The following RBFOX1 variants were observed in gnomAD, a reference collection of about 807,000 sequenced individuals.
The protein encoded by RBFOX1 is RNA binding fox-1 homolog 1.
RBFOX1 carries 8 observed loss-of-function variants against 57.7 expected under a neutral mutation model. The observed-to-expected ratio is 0.14, with a 90% CI of 0.08 to 0.25. The LOEUF is 0.25. Ranked by LOEUF, RBFOX1 falls within the 10% of genes least tolerant of loss-of-function variation. RBFOX1 has a pLI of 1.00. For missense variants in RBFOX1, 611 were observed against 548.5 expected (o/e 1.11, Z -1.14); for synonymous variants, 326 against 222.4 (o/e 1.47, Z -4.15).
intron 4 of RBFOX1, among the ~76,000 whole-genome samples, chr16:7,422,256 C>T (rs922451766): frequency 6.6e-6 from 1 of 152,100 alleles, no homozygotes; most frequent in Non-Finnish European, 1.5e-5. Context: ...CAGAAACAGC[C>T]CTATTGTTTT....
chr16:6,702,872 G>A (rs553261462), intron 3 of RBFOX1, among the ~76,000 whole-genome samples: 6 of 152,282 alleles, frequency 3.9e-5, no homozygotes, highest in African/African-American at 1.4e-4. Context: ...TCTGTCTCCA[G>A]AACTTTATCT....
chr16:6,427,628 G>A (rs1451022887), intron 2 of RBFOX1, among the ~76,000 whole-genome samples: 1 of 152,208 alleles, frequency 6.6e-6, no homozygotes, highest in Non-Finnish European at 1.5e-5. Flanking sequence ...GAGCTGCCAA[G>A]TAAGGTGGAT....
Position 5,347,797 on chromosome 16 carries a change from C to G in RBFOX1, c.219+107692C>G, listed in dbSNP as rs375661440. 4.0e-5 allele frequency among the ~76,000 whole-genome samples: 6 copies of G among 150,090 alleles called. No homozygotes were observed. The East Asian group carries it at 1.2e-3, about 30-fold the overall frequency. On this transcript the variant is annotated intron_variant, in intron 1 of 2. Coordinates refer to the RBFOX1 transcript ENST00000585867. ...ACCCACCCATTGGTCTATCCGCCCA[C>G]CCTTCCACTTAATCATGCACTCACC...
intron 3 of RBFOX1, among the ~76,000 whole-genome samples, chr16:7,027,831 T>G: frequency 6.8e-6 from 1 of 146,980 alleles, no homozygotes; most frequent in Non-Finnish European, 1.5e-5. Flanking sequence ...GGAAGGAAGG[T>G]GGAGGAGGTG....
intron 4 of RBFOX1, among the ~76,000 whole-genome samples, chr16:7,492,116 A>T (rs1306929581): frequency 1.3e-5 from 2 of 152,162 alleles, no homozygotes; most frequent in Non-Finnish European, 2.9e-5. Context: ...GTGGAAAAAG[A>T]CTCTGCAATA....
At chr16:6,673,889 G>A (rs2098783973) in intron 3 of RBFOX1, among the ~76,000 whole-genome samples, 1 of 152,198 alleles carries the variant, frequency 6.6e-6, no homozygotes, top group Admixed American at 6.5e-5. Context: ...AACACTTGTT[G>A]GAGGAAGTGC....
At chr16:5,912,491 G>T (rs527871243) in intron 4 of RBFOX1, among the ~76,000 whole-genome samples, 1 of 152,192 alleles carries the variant, frequency 6.6e-6, no homozygotes, top group East Asian at 1.9e-4. Context: ...CCTCACTCCA[G>T]TCCCACTACA....
At chr16:6,776,769 A>G (rs1220436792) in intron 3 of RBFOX1, among the ~76,000 whole-genome samples, 1 of 152,242 alleles carries the variant, frequency 6.6e-6, no homozygotes, top group African/African-American at 2.4e-5. Flanking sequence ...CACTAATGCA[A>G]TCAAATTAGA....
At chr16:5,676,349 T>A (rs1184381837) in intron 3 of RBFOX1, among the ~76,000 whole-genome samples, 1 of 152,178 alleles carries the variant, frequency 6.6e-6, no homozygotes, top group Non-Finnish European at 1.5e-5. Flanking sequence ...AAGGTAACTT[T>A]TATGAAACAT....
At chr16:7,264,393 C>T (rs1281258528) in intron 4 of RBFOX1, among the ~76,000 whole-genome samples, 1 of 152,212 alleles carries the variant, frequency 6.6e-6, no homozygotes, top group Non-Finnish European at 1.5e-5. Context: ...ACCCAGTCAT[C>T]TCCAGCTTAC....
chr16:5,750,841 G>T (rs190301298), intron 3 of RBFOX1, among the ~76,000 whole-genome samples: 8 of 152,314 alleles, frequency 5.3e-5, no homozygotes, highest in Admixed American at 2.0e-4. Context: ...GCCCTGCTTC[G>T]GCTCACGCAT....
At chr16:6,170,088 ACAAGGACT>A (rs2096948613) in intron 1 of RBFOX1, among the ~76,000 whole-genome samples, 2 of 152,150 alleles carry the variant, frequency 1.3e-5, no homozygotes, top group Admixed American at 1.3e-4. Flanking sequence ...CGGTTTGTCC[ACAAGGACT>A]CAAATATAGA....
intron 1 of RBFOX1, among the ~76,000 whole-genome samples, chr16:5,392,534 T>C (rs925087394): frequency 3.3e-5 from 5 of 151,398 alleles, no homozygotes; most frequent in African/African-American, 1.2e-4. Flanking sequence ...TATATATTTT[T>C]TTTCTTTTTT....
At chr16:6,038,242 T>C (rs2095392702) in intron 1 of RBFOX1, 1 of 150,012 alleles carries the variant, frequency 6.7e-6, no homozygotes, top group South Asian at 2.1e-4. Context: ...AGTGCAGTGG[T>C]GCAATCTTGG....
At chr16:5,251,616 T>A (rs1044414134) in intron 1 of RBFOX1, among the ~76,000 whole-genome samples, 6 of 152,152 alleles carry the variant, frequency 3.9e-5, no homozygotes, top group African/African-American at 1.4e-4. Context: ...TAAAGCCACT[T>A]CCAGGCAAAA....
chr16:7,197,998 C>CTTTCTTTCTTTTTTTTTTTTTTT (rs61556349), intron 4 of RBFOX1, among the ~76,000 whole-genome samples: 21 of 55,598 alleles, frequency 3.8e-4, no homozygotes, highest in Non-Finnish European at 5.4e-4. Flanking sequence ...TTCTTTCTTT[C>CTTTCTTTCTTTTTTTTTTTTTTT]TTTTTTTTTT....
intron 1 of RBFOX1, among the ~76,000 whole-genome samples, chr16:6,264,188 C>T (rs1163970527): frequency 2.0e-5 from 3 of 152,142 alleles, no homozygotes; most frequent in African/African-American, 7.2e-5. Context: ...TCAGTGTTCT[C>T]TTGGATAATC....
At chr16:7,198,934 C>T (rs74477897) in intron 4 of RBFOX1, among the ~76,000 whole-genome samples, 11,203 of 152,204 alleles carry the variant, frequency 0.074, 568 homozygotes, top group Non-Finnish European at 0.11. Flanking sequence ...TCAGTATGAA[C>T]CATGCTTGCA....
intron 3 of RBFOX1, among the ~76,000 whole-genome samples, chr16:6,909,526 A>C (rs1250378674): frequency 6.6e-6 from 1 of 152,208 alleles, no homozygotes; most frequent in African/African-American, 2.4e-5. Context: ...AAGGCGTTCC[A>C]CCTGTGTGAT....
Sources: gnomAD v4.1 joint callset for allele counts (sites outside exome capture counted in the v4.1 genomes callset) on GRCh38, gnomAD v4.1.1 for gene constraint, MANE v1.5 for transcripts, NCBI Gene and HGNC (gene_info 2026-07-23, HGNC 2026-07-21) for gene names.